NOTCH2NLC: variants seen among roughly 807,000 people sequenced by gnomAD.
NOTCH2NLC encodes notch homolog 2 N-terminal-like protein C.
In NOTCH2NLC, 4 loss-of-function variants were observed where a neutral mutation model predicts 17.7. That is an observed-to-expected ratio of 0.23 (90% CI 0.11 to 0.52). The LOEUF (loss-of-function observed/expected upper bound fraction) is 0.52, where lower values mean the gene tolerates loss of function less well. Among genes scored for constraint, NOTCH2NLC ranks in the 20% least tolerant of loss-of-function variants. The probability of loss-of-function intolerance (pLI) is 0.96; values close to 1 mark genes in which losing one functional copy is unlikely to be tolerated. For missense variants in NOTCH2NLC, 57 were observed against 207.2 expected (o/e 0.28, Z 4.45); for synonymous variants, 18 against 86.0 (o/e 0.21, Z 4.38).
intron 2 of NOTCH2NLC, among the ~76,000 whole-genome samples, chr1:149,435,284 C>T (rs2084475747): frequency 1.8e-5 from 2 of 114,048 alleles, no homozygotes; most frequent in African/African-American, 6.9e-5. Context: ...CTTCCCTTTA[C>T]TTTACACATG....
At position 149,393,716 on chromosome 1, in the gene NOTCH2NLC, A is replaced by C. The variant is rs1212436266; in HGVS notation, c.135+2794A>C. The stretch of plus-strand genomic sequence containing the variant: ...TCAGATGGTGATGAAATTTAACCTA[A>C]AACTATTTTTCCTTTCACTTTCTTA... On this transcript the variant is annotated intron_variant, in intron 1 of 4. Transcript: ENST00000650865. Among the ~76,000 whole-genome samples the C allele has an allele frequency of 4.2e-5, 6 of 142,502 alleles. No individual in the cohort carries two copies. In the East Asian group the frequency reaches 1.2e-3, roughly 27 times the overall value. 93.5% of individuals were successfully genotyped at this position (142,502 alleles called of 152,430 possible).
rs1380934127 is a variant in NOTCH2NLC at position 149,414,741 on chromosome 1, C to T, written c.136-16201C>T. On this transcript the variant is annotated intron_variant, in intron 1 of 4. Transcript: ENST00000650865. Reference sequence around the variant, plus strand: ...ACACCTCCCCTACTTCTGGGGTACACACACCTAATTTTGCAGACCACTGGT... The same window carrying T: ...ACACCTCCCCTACTTCTGGGGTACATACACCTAATTTTGCAGACCACTGGT... Among the ~76,000 whole-genome samples the T allele has an allele frequency of 1.2e-4, 18 of 151,118 alleles. 1 individual carries two copies. The highest frequency in any genetic ancestry group is 4.4e-4 in the African/African-American group (18 of 41,302).
intron 2 of NOTCH2NLC, among the ~76,000 whole-genome samples, chr1:149,445,617 G>C (rs1460754318): frequency 1.3e-5 from 2 of 150,876 alleles, no homozygotes; most frequent in Non-Finnish European, 3.0e-5. Flanking sequence ...AGAGGCCCAG[G>C]GCAAGAAGAA....
chr1:149,392,962 T>A (rs2084183434), intron 1 of NOTCH2NLC, among the ~76,000 whole-genome samples: 1 of 146,850 alleles, frequency 6.8e-6, no homozygotes, highest in Admixed American at 6.8e-5. Context: ...TCCCAGCTAC[T>A]TGGGAGGCTA....
rs1251506207 is a variant in NOTCH2NLC at position 149,446,663 on chromosome 1, A to G, written c.210-8655A>G. ...GACTTTTAAAGAAAAAGTCATAAAT[A>G]TATCTTTATGGACCTGGTAAGTATT... On this transcript the variant is annotated intron_variant, in intron 2 of 4. Transcript: ENST00000650865. Among the ~76,000 whole-genome samples, 13 of 136,326 alleles carry G rather than the reference A, an allele frequency of 9.5e-5. No homozygotes were observed. In the Admixed American group the frequency reaches 9.7e-4, roughly 10 times the overall value. 89.4% of individuals were successfully genotyped at this position (136,326 alleles called of 152,430 possible).
chr1:149,413,530 C>T (rs1341386405), intron 1 of NOTCH2NLC, among the ~76,000 whole-genome samples: 1 of 151,236 alleles, frequency 6.6e-6, no homozygotes, highest in Non-Finnish European at 1.5e-5. Flanking sequence ...CATATATTAA[C>T]TTGTTTAATT....
intron 2 of NOTCH2NLC, among the ~76,000 whole-genome samples, chr1:149,447,017 TG>T (rs2084558513): frequency 7.7e-6 from 1 of 129,666 alleles, no homozygotes; most frequent in Admixed American, 7.9e-5. Flanking sequence ...ACGTAAGGGA[TG>T]TTGGGTGTTT....
intron 3 of NOTCH2NLC, among the ~76,000 whole-genome samples, chr1:149,460,846 T>A (rs1447082948): frequency 6.8e-6 from 1 of 146,584 alleles, no homozygotes; most frequent in Non-Finnish European, 1.5e-5. Context: ...ATTCTTTCTT[T>A]CTTTCTCCCT....
At chr1:149,419,855 ATTTTTTTTTT>A (rs1166865199) in intron 1 of NOTCH2NLC, among the ~76,000 whole-genome samples, 11 of 78,202 alleles carry the variant, frequency 1.4e-4, no homozygotes, top group African/African-American at 4.1e-4. Context: ...ATATATATAT[ATTTTTTTTTT>A]TTTTTTTTTT....
intron 1 of NOTCH2NLC, among the ~76,000 whole-genome samples, chr1:149,426,649 T>G (rs1193014004): frequency 8.3e-6 from 1 of 120,374 alleles, no homozygotes. Flanking sequence ...ACACAGTAAA[T>G]AAGATTTATT....
At chr1:149,406,679 G>A (rs2084271262) in intron 1 of NOTCH2NLC, among the ~76,000 whole-genome samples, 2 of 150,858 alleles carry the variant, frequency 1.3e-5, no homozygotes, top group Admixed American at 1.3e-4. Context: ...CTCAGTATCC[G>A]TATTTATATA....
At chr1:149,412,052 G>A (rs1212232443) in intron 1 of NOTCH2NLC, among the ~76,000 whole-genome samples, 2 of 106,412 alleles carry the variant, frequency 1.9e-5, no homozygotes, top group African/African-American at 7.1e-5. Context: ...AGAGGTTGAG[G>A]CTGCAGTGAG....
intron 1 of NOTCH2NLC, among the ~76,000 whole-genome samples, chr1:149,418,977 C>T (rs2084362496): frequency 6.7e-6 from 1 of 150,364 alleles, no homozygotes; most frequent in Admixed American, 6.6e-5. Context: ...CCTTTCCTTT[C>T]TCTCTCTCCT....
At chr1:149,407,209 T>TA (rs2084276443) in intron 1 of NOTCH2NLC, among the ~76,000 whole-genome samples, 1 of 148,492 alleles carries the variant, frequency 6.7e-6, no homozygotes, top group Admixed American at 6.7e-5. Context: ...AAATCAGGTT[T>TA]AAAATGTTAG....
intron 1 of NOTCH2NLC, among the ~76,000 whole-genome samples, chr1:149,426,742 A>ACATCAATTTAAACATCAATTTAAACAT (rs2084415174): frequency 7.0e-6 from 1 of 143,758 alleles, no homozygotes; most frequent in African/African-American, 2.5e-5. Flanking sequence ...AGTCTATTAA[A>ACATCAATTTAAACATCAATTTAAACAT]GCATCAGTTT....
At position 149,428,928 on chromosome 1, in the gene NOTCH2NLC, G is replaced by A. The variant is rs1175455776; in HGVS notation, c.136-2014G>A. On this transcript the variant is annotated intron_variant, in intron 1 of 4. Transcript: ENST00000650865. ...AAAAAAAGTAAATAGAAAAAACCCC[G>A]GAAGTTCTCACTGAAACTAATAAAA... 6.8e-5 allele frequency among the ~76,000 whole-genome samples: 10 copies of A among 147,878 alleles called. 1 individual carries two copies. The highest frequency in any genetic ancestry group is 1.7e-4 in the African/African-American group (7 of 40,340).
chr1:149,437,921 ATG>A (rs2084492868), intron 2 of NOTCH2NLC, among the ~76,000 whole-genome samples: 2 of 148,508 alleles, frequency 1.3e-5, no homozygotes, highest in African/African-American at 2.5e-5. Flanking sequence ...TTTAGTCCTC[ATG>A]TGAGAGAGAG....
intron 2 of NOTCH2NLC, among the ~76,000 whole-genome samples, chr1:149,445,558 C>G (rs2084545471): frequency 6.7e-6 from 1 of 149,748 alleles, no homozygotes; most frequent in Non-Finnish European, 1.5e-5. Context: ...GACAGCTCCC[C>G]CCTCTAGAGC....
At chr1:149,445,674 C>T (rs1381615870) in intron 2 of NOTCH2NLC, among the ~76,000 whole-genome samples, 2 of 150,996 alleles carry the variant, frequency 1.3e-5, no homozygotes, top group Non-Finnish European at 3.0e-5. Context: ...CTGCTGGAAA[C>T]TAGCCCAGAG....
Sources: allele counts gnomAD v4.1 joint callset (sites outside exome capture counted in the v4.1 genomes callset), GRCh38; gene constraint gnomAD v4.1.1; transcripts MANE v1.5; gene names NCBI Gene and HGNC (gene_info 2026-07-23, HGNC 2026-07-21).